Variants in AFG1L observed in about 807,000 individuals in gnomAD.
AFG1L encodes the protein AFG1 like ATPase.
AFG1L carries 53 observed loss-of-function variants against 62.2 expected under a neutral mutation model. The ratio of observed to expected loss-of-function variants is 0.85; its 90% CI spans 0.68 to 1.07. The LOEUF (loss-of-function observed/expected upper bound fraction) is 1.07. Ranked by LOEUF, AFG1L falls within the 50% of genes least tolerant of loss-of-function variation. The pLI is 0.00. For synonymous variants in AFG1L, 228 were observed against 210.3 expected, an observed-to-expected ratio of 1.08 and a Z score of -0.73; for missense variants, 555 against 590.5, an observed-to-expected ratio of 0.94 and a Z score of 0.62.
intron 1 of AFG1L, among the ~76,000 whole-genome samples, chr6:108,307,496 A>C (rs560751764): frequency 1.3e-5 from 2 of 151,278 alleles, no homozygotes; most frequent in East Asian, 2.0e-4. Flanking sequence ...CTGCCGCCTA[A>C]ACCTCCCAGG....
rs532958425 is a variant in AFG1L, at chr6:108,524,462, C to A, written c.*2037C>A. 2 of 152,142 alleles carry A rather than the reference C, an allele frequency of 1.3e-5. No individual in the cohort carries two copies. The highest frequency in any genetic ancestry group is 2.9e-5 in the Non-Finnish European group (2 of 68,030). 9.4% of individuals were successfully genotyped at this position (152,142 alleles called of 1,614,324 possible). On this transcript the variant is annotated 3_prime_UTR_variant, in exon 13 of 13. Transcript: ENST00000368977. ...TGGGAATAAAGTTTCATTTTTCCAT[C>A]GAAACAATCACGTAATGTTAGTTGG...
intron 6 of AFG1L, among the ~76,000 whole-genome samples, chr6:108,376,780 C>T (rs1780266252): frequency 1.3e-5 from 2 of 151,868 alleles, no homozygotes; most frequent in Non-Finnish European, 2.9e-5. Context: ...TCTATTAGTC[C>T]AATTGGTCAA....
chr6:108,394,863 C>T (rs952199193), intron 6 of AFG1L, among the ~76,000 whole-genome samples: 1 of 152,156 alleles, frequency 6.6e-6, no homozygotes, highest in Non-Finnish European at 1.5e-5. Flanking sequence ...TACCACTTCC[C>T]ACAATCATGG....
At chr6:108,415,507 C>G (rs1041907090) in intron 7 of AFG1L, among the ~76,000 whole-genome samples, 2 of 152,168 alleles carry the variant, frequency 1.3e-5, no homozygotes, top group African/African-American at 4.8e-5. Context: ...ATCACGCTAC[C>G]TGACTTCAAA....
chr6:108,346,712 T>G (rs927046572), intron 2 of AFG1L, among the ~76,000 whole-genome samples: 7 of 152,184 alleles, frequency 4.6e-5, no homozygotes, highest in African/African-American at 1.7e-4. Context: ...AAGTACCTCA[T>G]GTAAGTGGAA....
rs562963183 is a variant in AFG1L, at chr6:108,340,757, GGAA to G, written c.364-6226_364-6224del. Among the ~76,000 whole-genome samples the G allele has an allele frequency of 3.8e-3, 574 of 152,260 alleles. 1 individual carries two copies. Among genetic ancestry groups the G allele is most frequent in the African/African-American group, 0.013 (533 of 41,556 alleles). On this transcript the variant is annotated intron_variant, in intron 2 of 12. Coordinates refer to ENST00000368977, the MANE Select transcript of AFG1L (RefSeq NM_145315.5). ...TAAAATCAAACACTGATAGAAGGTT[GGAA>G]GAAGGACAGGAAGAGGAATCGTTTT...
chr6:108,478,861 A>T (rs949344303), intron 10 of AFG1L, among the ~76,000 whole-genome samples: 10 of 152,206 alleles, frequency 6.6e-5, no homozygotes, highest in Admixed American at 2.0e-4. Context: ...AAGGCCACTT[A>T]TCAGGAACCA....
chr6:108,393,483 G>C (rs1273836992), intron 6 of AFG1L, among the ~76,000 whole-genome samples: 2 of 151,918 alleles, frequency 1.3e-5, no homozygotes, highest in African/African-American at 4.8e-5. Flanking sequence ...CCTTGTAAAG[G>C]CTGATTTTTT....
chr6:108,319,542 G>A (rs1483719941), intron 1 of AFG1L: 1 of 158,118 alleles, frequency 6.3e-6, no homozygotes, highest in African/African-American at 2.4e-5. Context: ...GCTTCCCAAA[G>A]TGCTGGGATT....
At chr6:108,314,396 C>CTT (rs779796652) in intron 1 of AFG1L, among the ~76,000 whole-genome samples, 10 of 140,686 alleles carry the variant, frequency 7.1e-5, no homozygotes, top group South Asian at 4.6e-4. Flanking sequence ...TCTGCTTCTT[C>CTT]TTTTTTTTTT....
At chr6:108,335,263 C>T in intron 2 of AFG1L, among the ~76,000 whole-genome samples, 1 of 146,232 alleles carries the variant, frequency 6.8e-6, no homozygotes, top group South Asian at 2.1e-4. Flanking sequence ...GAGCCACTGC[C>T]CCGGCTGGTT....
At chr6:108,468,372 A>G (rs1178477419) in intron 8 of AFG1L, among the ~76,000 whole-genome samples, 1 of 152,244 alleles carries the variant, frequency 6.6e-6, no homozygotes, top group Non-Finnish European at 1.5e-5. Context: ...AGAATATTTT[A>G]GACACTATAC....
intron 7 of AFG1L, among the ~76,000 whole-genome samples, chr6:108,414,868 G>A (rs1782288578): frequency 6.6e-6 from 1 of 152,194 alleles, no homozygotes; most frequent in Non-Finnish European, 1.5e-5. Context: ...CACAAGACAG[G>A]GATGCCCTCT....
Position 108,428,421 on chromosome 6 carries a change from A to G in AFG1L, c.808-18793A>G, listed in dbSNP as rs553100687. On this transcript the variant is annotated intron_variant, in intron 7 of 12. Transcript: ENST00000368977. ...TGTGCTGTGATAAACATATGCATGG[A>G]GGTGTCTTTTTGATGTAATGGTTTC... 4.6e-5 allele frequency among the ~76,000 whole-genome samples: 7 copies of G among 152,222 alleles called. No homozygotes were observed. The South Asian group carries it at 1.5e-3, about 32-fold the overall frequency.
chr6:108,344,033 C>A (rs764132327), intron 2 of AFG1L, among the ~76,000 whole-genome samples: 1 of 152,166 alleles, frequency 6.6e-6, no homozygotes, highest in East Asian at 1.9e-4. Flanking sequence ...ACAATCCCAG[C>A]GCTTTGGGAG....
intron 7 of AFG1L, among the ~76,000 whole-genome samples, chr6:108,439,199 C>T (rs899784328): frequency 2.6e-5 from 4 of 152,124 alleles, no homozygotes; most frequent in Non-Finnish European, 5.9e-5. Flanking sequence ...CGTCTATGAT[C>T]GAGAGAAGAA....
intron 7 of AFG1L, among the ~76,000 whole-genome samples, chr6:108,443,855 A>G (rs540952456): frequency 6.6e-6 from 1 of 152,072 alleles, no homozygotes; most frequent in Non-Finnish European, 1.5e-5. Flanking sequence ...ACCCTGGGCA[A>G]CAGAGTAAGA....
At chr6:108,320,016 G>C (rs1292719660) in intron 1 of AFG1L, among the ~76,000 whole-genome samples, 1 of 152,060 alleles carries the variant, frequency 6.6e-6, no homozygotes, top group African/African-American at 2.4e-5. Context: ...TTAATAAATT[G>C]AGGATTCTAT....
intron 11 of AFG1L, among the ~76,000 whole-genome samples, chr6:108,518,764 G>A (rs1269751000): frequency 6.6e-6 from 1 of 152,210 alleles, no homozygotes; most frequent in Non-Finnish European, 1.5e-5. Context: ...GTAATCAAGA[G>A]ATATTAATGT....
Sources: gnomAD v4.1 joint callset for allele counts (sites outside exome capture counted in the v4.1 genomes callset) on GRCh38, gnomAD v4.1.1 for gene constraint, MANE v1.5 for transcripts, NCBI Gene and HGNC (gene_info 2026-07-23, HGNC 2026-07-21) for gene names.